Variants in DNAAF4 observed in about 807,000 individuals in gnomAD.
DNAAF4 encodes the protein dynein assembly factor 4, axonemal.
In DNAAF4, 43 loss-of-function variants were observed where a neutral mutation model predicts 51.8. The observed-to-expected ratio is 0.83, with a 90% CI of 0.65 to 1.07. The LOEUF is 1.07. DNAAF4 is among the 50% of genes least tolerant of loss of function. The pLI, the probability that DNAAF4 is intolerant of heterozygous loss-of-function variation, is 0.00. For synonymous variants in DNAAF4, 194 were observed against 165.6 expected, an observed-to-expected ratio of 1.17 and a Z score of -1.32; for missense variants, 581 against 493.0, an observed-to-expected ratio of 1.18 and a Z score of -1.69.
At chr15:55,507,395 A>T (rs896914231) in intron 1 of DNAAF4, among the ~76,000 whole-genome samples, 4 of 152,200 alleles carry the variant, frequency 2.6e-5, no homozygotes, top group African/African-American at 9.6e-5. Context: ...GGGCAAAGTC[A>T]TCTAACATAA....
At chr15:55,428,741 T>C (rs979839120), downstream of DNAAF4, among the ~76,000 whole-genome samples, 8 of 151,272 alleles carry the variant, frequency 5.3e-5, no homozygotes, top group East Asian at 1.6e-3. Flanking sequence ...GTGATCTGCC[T>C]GCCTCAGCCT....
chr15:55,441,198 AACAGCTAGGATT>A (rs1394422941), intron 6 of DNAAF4, among the ~76,000 whole-genome samples: 1 of 151,334 alleles, frequency 6.6e-6, no homozygotes, highest in East Asian at 2.0e-4. Flanking sequence ...CAGCCTCCTG[AACAGCTAGGATT>A]ACAGGCGTGT....
downstream of DNAAF4, among the ~76,000 whole-genome samples, chr15:55,429,521 G>GAAA (rs771397536): frequency 3.4e-5 from 3 of 89,348 alleles, no homozygotes. Context: ...TGTGTCTCAA[G>GAAA]AAAAAAAAAA....
chr15:55,499,593 G>C (rs1011385213), intron 1 of DNAAF4, among the ~76,000 whole-genome samples: 2 of 152,136 alleles, frequency 1.3e-5, no homozygotes, highest in East Asian at 3.8e-4. Context: ...TAAAACTATT[G>C]TATCCTGCAA....
chr15:55,497,839 T>G lies in DNAAF4; in HGVS notation c.144A>C (p.Leu48Phe), dbSNP rs138697313. Residue 48 changes from leucine (L) to phenylalanine (F), a missense_variant, in exon 3 of 10, where the codon TTA becomes TTC. Physicochemically the swap from Leu to Phe is conservative, Grantham distance 22 (BLOSUM62 0). Transcript: ENST00000321149. ...TGGGAGCATAAAGAAATGCCTCAAA[T>G]AAAAATGGAGGAAAGTTGACCTATG... ...NYLKVNFPPF[L>F]FEAFLYAPID... is the part of the protein sequence containing the mutation. 12 of 1,609,924 alleles carry G rather than the reference T, an allele frequency of 7.5e-6. No homozygotes were observed. Among genetic ancestry groups the G allele is most frequent in the Non-Finnish European group, 1.0e-5 (12 of 1,178,526 alleles).
At chr15:55,447,895 A>G (rs182588068) in intron 6 of DNAAF4, among the ~76,000 whole-genome samples, 1 of 150,136 alleles carries the variant, frequency 6.7e-6, no homozygotes, top group African/African-American at 2.5e-5. Flanking sequence ...GAGCCCCTTT[A>G]TTTCTTTCTC....
intron 4 of DNAAF4, among the ~76,000 whole-genome samples, chr15:55,470,847 A>T (rs1393746220): frequency 2.0e-4 from 20 of 99,028 alleles, no homozygotes; most frequent in Admixed American, 6.7e-4. Context: ...TGCCTGGCGG[A>T]TTTTTTTTTT....
At chr15:55,429,678 G>A (rs1340347608), downstream of DNAAF4, among the ~76,000 whole-genome samples, 3 of 151,830 alleles carry the variant, frequency 2.0e-5, no homozygotes, top group Admixed American at 1.3e-4. Context: ...TTAGTCAGGC[G>A]TGGTGGCAGG....
At chr15:55,438,088 C>T (rs549936140) in intron 7 of DNAAF4, among the ~76,000 whole-genome samples, 4 of 152,230 alleles carry the variant, frequency 2.6e-5, no homozygotes, top group Admixed American at 6.5e-5. Flanking sequence ...AAAATATTCA[C>T]GGCCGGGTGC....
At chr15:55,478,210 C>A (rs1372889729) in intron 4 of DNAAF4, among the ~76,000 whole-genome samples, 1 of 152,158 alleles carries the variant, frequency 6.6e-6, no homozygotes, top group Non-Finnish European at 1.5e-5. Context: ...GGAAAGCCCT[C>A]CACTAGGACA....
At chr15:55,440,645 C>T (rs1285280596) in intron 6 of DNAAF4, among the ~76,000 whole-genome samples, 1 of 150,668 alleles carries the variant, frequency 6.6e-6, no homozygotes, top group African/African-American at 2.4e-5. Flanking sequence ...GGATTACAGG[C>T]GTTGGGCCAC....
intron 5 of DNAAF4, among the ~76,000 whole-genome samples, chr15:55,463,588 G>T (rs1244549254): frequency 6.6e-6 from 1 of 152,068 alleles, no homozygotes; most frequent in African/African-American, 2.4e-5. Context: ...TTCAAGTAAA[G>T]TTTCAGAATA....
intron 4 of DNAAF4, among the ~76,000 whole-genome samples, chr15:55,471,363 G>A (rs565359762): frequency 6.6e-6 from 1 of 151,974 alleles, no homozygotes; most frequent in East Asian, 1.9e-4. Context: ...CAGGAACCTG[G>A]GTCAAAATCC....
intron 4 of DNAAF4, among the ~76,000 whole-genome samples, chr15:55,490,724 C>T (rs879214268): frequency 4.6e-5 from 7 of 152,058 alleles, no homozygotes; most frequent in African/African-American, 9.7e-5. Flanking sequence ...GAGGCCGAGA[C>T]GGGCAGATCA....
At chr15:55,442,085 A>G (rs2057723408) in intron 6 of DNAAF4, among the ~76,000 whole-genome samples, 1 of 152,106 alleles carries the variant, frequency 6.6e-6, no homozygotes, top group Non-Finnish European at 1.5e-5. Flanking sequence ...TCCGCAGTGG[A>G]GCAGGTAACA....
At chr15:55,419,401 GT>G (rs1271452867) in intron 7 of DNAAF4, among the ~76,000 whole-genome samples, 12 of 136,494 alleles carry the variant, frequency 8.8e-5, no homozygotes, top group Non-Finnish European at 1.2e-4. Flanking sequence ...AATTTGTGGG[GT>G]GTGTGTGTGT....
At chr15:55,465,194 G>C (rs557797439) in intron 5 of DNAAF4, among the ~76,000 whole-genome samples, 2 of 152,278 alleles carry the variant, frequency 1.3e-5, no homozygotes, top group African/African-American at 4.8e-5. Flanking sequence ...ACAGTGTGGA[G>C]ATAGATGCCT....
At chr15:55,428,475 CTTTTTTTTCT>C (rs2057452570), downstream of DNAAF4, among the ~76,000 whole-genome samples, 1 of 92,326 alleles carries the variant, frequency 1.1e-5, no homozygotes, top group Non-Finnish European at 2.3e-5. Context: ...CTCTCACTGT[CTTTTTTTTCT>C]TTTTTTTTTT....
At chr15:55,475,006 T>C (rs1333537461) in intron 4 of DNAAF4, among the ~76,000 whole-genome samples, 1 of 152,028 alleles carries the variant, frequency 6.6e-6, no homozygotes, top group Non-Finnish European at 1.5e-5. Flanking sequence ...ACAAAAAATA[T>C]ATAAGCAAGT....
Sources: allele counts gnomAD v4.1 joint callset (sites outside exome capture counted in the v4.1 genomes callset), GRCh38; gene constraint gnomAD v4.1.1; transcripts MANE v1.5; gene names NCBI Gene and HGNC (gene_info 2026-07-23, HGNC 2026-07-21).